The following ARFIP1 variants were observed in gnomAD, a reference collection of about 807,000 sequenced individuals.
ARFIP1 encodes ARF interacting protein 1.
In ARFIP1, 24 loss-of-function variants were observed where a neutral mutation model predicts 42.5. The observed-to-expected ratio is 0.57, with a 90% CI of 0.41 to 0.80. The LOEUF (loss-of-function observed/expected upper bound fraction) is 0.80. Among genes scored for constraint, ARFIP1 ranks in the 30% least tolerant of loss-of-function variants. ARFIP1 has a pLI of 0.00. For missense variants in ARFIP1, 354 were observed against 434.0 expected, an observed-to-expected ratio of 0.82 and a Z score of 1.64; for synonymous variants, 141 against 153.7, an observed-to-expected ratio of 0.92 and a Z score of 0.61.
chr4:152,896,104 G>A (rs576500529), intron 8 of ARFIP1, among the ~76,000 whole-genome samples: 3 of 152,030 alleles, frequency 2.0e-5, no homozygotes, highest in Non-Finnish European at 2.9e-5. Flanking sequence ...CCCTGAGGCA[G>A]TGATATTGGG....
At chr4:152,785,750 T>G (rs191784287) in intron 1 of ARFIP1, among the ~76,000 whole-genome samples, 2 of 152,346 alleles carry the variant, frequency 1.3e-5, no homozygotes, top group East Asian at 3.9e-4. Flanking sequence ...ATGAAATATA[T>G]GAGAAAGCTG....
At chr4:152,885,390 TCTC>T (rs1736178591) in intron 7 of ARFIP1, among the ~76,000 whole-genome samples, 1 of 151,986 alleles carries the variant, frequency 6.6e-6, no homozygotes, top group African/African-American at 2.4e-5. Context: ...ATTCAACACT[TCTC>T]CACAGCAGCA....
In ARFIP1 at chr4:152,872,560, A is replaced by G; in HGVS notation, c.407A>G (p.Tyr136Cys). Residue 136 changes from tyrosine to cysteine, a missense_variant, in exon 5 of 9, where the codon TAT (tyrosine) becomes TGT (cysteine). Coordinates refer to ENST00000353617, the MANE Select transcript of ARFIP1 (RefSeq NM_001025595.3). ...ELVRKWSLNT[Y>C]KCTRQIISEK... ...GTTAGAAAATGGAGTCTAAACACCT[A>G]TAAGGTTTGTAATTATTTAATGTTT... The G allele has an allele frequency of 2.6e-6, 4 of 1,560,378 alleles. No individual in the cohort carries two copies. The highest frequency in any genetic ancestry group is 3.5e-6 in the Non-Finnish European group (4 of 1,144,006).
At chr4:152,831,419 A>T (rs2149847344) in intron 2 of ARFIP1, among the ~76,000 whole-genome samples, 1 of 152,304 alleles carries the variant, frequency 6.6e-6, no homozygotes, top group South Asian at 2.1e-4. Flanking sequence ...TAGGGAAGTC[A>T]CTTGCCATCT....
At chr4:152,790,456 A>G (rs1221940922) in intron 1 of ARFIP1, among the ~76,000 whole-genome samples, 2 of 151,444 alleles carry the variant, frequency 1.3e-5, no homozygotes, top group African/African-American at 4.9e-5. Context: ...ATTTACAGCT[A>G]GTTTTCTTTT....
At chr4:152,825,314 A>T (rs571260623) in intron 1 of ARFIP1, among the ~76,000 whole-genome samples, 1 of 152,330 alleles carries the variant, frequency 6.6e-6, no homozygotes, top group East Asian at 1.9e-4. Flanking sequence ...CTATAAGGCT[A>T]TAGTAAACCA....
rs537217859 is a variant in ARFIP1 at position 152,781,048 on chromosome 4, A to T, written c.-10+822A>T. 2.4e-4 allele frequency among the ~76,000 whole-genome samples: 36 copies of T among 152,088 alleles called. No homozygotes were observed. In the South Asian group the frequency reaches 7.0e-3, roughly 30 times the overall value. The stretch of plus-strand genomic sequence containing the variant: ...ATAAAATTCATCTAACTACATTATT[A>T]TTTGATAAGGAAAAGCCGGAAGAGA... On this transcript the variant is annotated intron_variant, in intron 1 of 8. Coordinates refer to ENST00000353617, the MANE Select transcript of ARFIP1 (RefSeq NM_001025595.3).
At chr4:152,862,564 C>T (rs1332296025) in intron 2 of ARFIP1, among the ~76,000 whole-genome samples, 1 of 151,782 alleles carries the variant, frequency 6.6e-6, no homozygotes, top group East Asian at 1.9e-4. Flanking sequence ...AAATATATAA[C>T]AGTAGTTATA....
chr4:152,796,132 C>A, intron 1 of ARFIP1: 1 of 748,630 alleles, frequency 1.3e-6, no homozygotes, highest in South Asian at 1.4e-5. Context: ...CATATTTCCC[C>A]AAATAACTTT....
intron 2 of ARFIP1, among the ~76,000 whole-genome samples, chr4:152,853,298 A>C (rs1299995980): frequency 6.6e-6 from 1 of 152,062 alleles, no homozygotes; most frequent in Non-Finnish European, 1.5e-5. Flanking sequence ...GATGATGGTA[A>C]ATGTTGCCCT....
Position 152,910,110 on chromosome 4 carries a change from C to T in ARFIP1, c.1013C>T (p.Ala338Val). Residue 338 changes from alanine (A) to valine (V), a missense_variant, in exon 9 of 9, where the codon GCC becomes GTC. Transcript: ENST00000353617. ...CTGGTCCTTTTCCACAATGCCATTG[C>T]CGCTTACTTTGCTGGGAATCAGAAG... ...NQLVLFHNAI[A>V]AYFAGNQKQL... 6.2e-7 allele frequency: 1 copy of T among 1,614,190 alleles called. No homozygotes were observed. The highest frequency in any genetic ancestry group is 8.5e-7 in the Non-Finnish European group (1 of 1,180,000).
chr4:152,794,653 C>CT (rs1040015719), intron 1 of ARFIP1, among the ~76,000 whole-genome samples: 13 of 152,170 alleles, frequency 8.5e-5, no homozygotes, highest in Admixed American at 7.2e-4. Flanking sequence ...TTTAGCATCT[C>CT]TCAAGTGGAT....
At chr4:152,872,321 T>G in intron 4 of ARFIP1, 131 bp from the exon 5 acceptor site, 1 of 607,088 alleles carries the variant, frequency 1.6e-6, no homozygotes, top group Admixed American at 4.0e-5. Flanking sequence ...GTTCTAGTTC[T>G]TTACTTTGTG....
In ARFIP1 at chr4:152,910,405, A is replaced by T; in HGVS notation, c.*186A>T. Reference sequence around the variant, plus strand: ...ACTGTTAAGGGTGGTTTTAATGTAAACATAGTTTCTATAATCTGAACACAA... The same window carrying T: ...ACTGTTAAGGGTGGTTTTAATGTAATCATAGTTTCTATAATCTGAACACAA... On this transcript the variant is annotated 3_prime_UTR_variant, in exon 9 of 9. Transcript: ENST00000353617. 1 of 615,632 alleles carries T rather than the reference A, an allele frequency of 1.6e-6. No homozygotes were observed. The highest frequency in any genetic ancestry group is 2.6e-6 in the Non-Finnish European group (1 of 386,584). The allele number at this position is 615,632 out of a possible 1,614,324, so 38.1% of individuals were successfully genotyped here.
chr4:152,823,801 AAAAGAATT>A (rs1730587499), intron 1 of ARFIP1, among the ~76,000 whole-genome samples: 2 of 143,892 alleles, frequency 1.4e-5, no homozygotes, highest in African/African-American at 5.1e-5. Context: ...AAAAAAAAAA[AAAAGAATT>A]GGTACCAATT....
chr4:152,908,810 G>T (rs1738590061), intron 8 of ARFIP1, among the ~76,000 whole-genome samples: 1 of 151,638 alleles, frequency 6.6e-6, no homozygotes, highest in East Asian at 1.9e-4. Context: ...CTACAGAAGA[G>T]ATCTGAGACT....
chr4:152,804,381 C>A (rs1578833447), intron 1 of ARFIP1, among the ~76,000 whole-genome samples: 1 of 87,230 alleles, frequency 1.1e-5, no homozygotes, highest in Non-Finnish European at 2.1e-5. Flanking sequence ...TATAATATAA[C>A]ATGTATTATA....
At chr4:152,858,731 G>A (rs1733635902) in intron 2 of ARFIP1, among the ~76,000 whole-genome samples, 2 of 152,228 alleles carry the variant, frequency 1.3e-5, no homozygotes, top group African/African-American at 4.8e-5. Flanking sequence ...CAACAACCCT[G>A]CTGTCATGAT....
chr4:152,873,299 T>C (rs1282316617), intron 5 of ARFIP1, among the ~76,000 whole-genome samples: 1 of 152,190 alleles, frequency 6.6e-6, no homozygotes, highest in Non-Finnish European at 1.5e-5. Context: ...ATTGGTAAAT[T>C]AGGAATTGTC....
Sources: gnomAD v4.1 joint callset for allele counts (sites outside exome capture counted in the v4.1 genomes callset) on GRCh38, gnomAD v4.1.1 for gene constraint, MANE v1.5 for transcripts, NCBI Gene and HGNC (gene_info 2026-07-23, HGNC 2026-07-21) for gene names.